The following SUSD5 variants were observed in gnomAD, a reference collection of about 807,000 sequenced individuals.
SUSD5 encodes the protein sushi domain-containing protein 5.
SUSD5 carries 33 observed loss-of-function variants against 29.5 expected under a neutral mutation model. The observed-to-expected ratio is 1.12, with a 90% confidence interval of 0.85 to 1.49. The LOEUF (loss-of-function observed/expected upper bound fraction) is 1.49, where lower values mean the gene tolerates loss of function less well. Among genes scored for constraint, SUSD5 ranks in the 40% most tolerant of loss-of-function variants. SUSD5 has a pLI of 0.00. For synonymous variants in SUSD5, 308 were observed against 325.3 expected (o/e 0.95, Z 0.57); for missense variants, 776 against 800.6 (o/e 0.97, Z 0.37).
intron 2 of SUSD5, among the ~76,000 whole-genome samples, chr3:33,208,548 C>T (rs1411510776): frequency 6.6e-6 from 1 of 152,056 alleles, no homozygotes; most frequent in East Asian, 1.9e-4. Context: ...TTTAAATCTG[C>T]TTTTTATTAG....
chr3:33,218,659 C>A (rs117206167), intron 1 of SUSD5, 27 bp downstream of exon 1: 2 of 1,275,758 alleles, frequency 1.6e-6, no homozygotes, highest in South Asian at 2.5e-5. Context: ...GCTCCACCCC[C>A]CGCCCCGCCG....
intron 4 of SUSD5, among the ~76,000 whole-genome samples, chr3:33,170,472 C>T (rs902187976): frequency 5.3e-5 from 8 of 152,172 alleles, no homozygotes; most frequent in Non-Finnish European, 1.0e-4. Context: ...TTTCAGTGAA[C>T]GGTCAAGACA....
chr3:33,168,285 T>C (rs768985786), intron 4 of SUSD5, among the ~76,000 whole-genome samples: 1 of 152,036 alleles, frequency 6.6e-6, no homozygotes, highest in East Asian at 1.9e-4. Context: ...CCTTTAAAAA[T>C]AGTAATTTTA....
intron 3 of SUSD5, among the ~76,000 whole-genome samples, chr3:33,194,983 T>G (rs2125627843): frequency 6.6e-6 from 1 of 152,208 alleles, no homozygotes; most frequent in South Asian, 2.1e-4. Context: ...TCACCTGAGG[T>G]CACGAGTTCA....
intron 3 of SUSD5, among the ~76,000 whole-genome samples, chr3:33,207,579 C>T (rs566200432): frequency 2.6e-5 from 4 of 152,282 alleles, no homozygotes; most frequent in South Asian, 4.1e-4. Context: ...CAAAGTTACT[C>T]GGCACCTCAC....
At chr3:33,168,708 G>C in intron 4 of SUSD5, 1 of 442,600 alleles carries the variant, frequency 2.3e-6, no homozygotes, top group Non-Finnish European at 3.0e-6. Context: ...GGAGTGCAGT[G>C]GGGTGATCTT....
intron 3 of SUSD5, among the ~76,000 whole-genome samples, chr3:33,193,249 T>C (rs773227034): frequency 1.4e-4 from 22 of 152,114 alleles, no homozygotes; most frequent in Non-Finnish European, 2.9e-4. Context: ...CTTGGCGGTA[T>C]AGAAACAACA....
chr3:33,189,558 A>G (rs1049534052), intron 3 of SUSD5, among the ~76,000 whole-genome samples: 1 of 151,718 alleles, frequency 6.6e-6, no homozygotes, highest in African/African-American at 2.4e-5. Flanking sequence ...TCTCAATTAT[A>G]TAAGAAAGCT....
At chr3:33,192,078 TA>T (rs1024045270) in intron 3 of SUSD5, among the ~76,000 whole-genome samples, 3 of 131,892 alleles carry the variant, frequency 2.3e-5, no homozygotes, top group East Asian at 2.1e-4. Context: ...TTAATGCGCA[TA>T]TTTTTTTTTT....
At position 33,152,787 on chromosome 3, in the gene SUSD5, C is replaced by T. The variant is rs1055987451; in HGVS notation, c.1845G>A (p.Arg615=). The T allele has an allele frequency of 6.2e-7, 1 of 1,613,550 alleles. No individual in the cohort carries two copies. The highest frequency in any genetic ancestry group is 8.5e-7 in the Non-Finnish European group (1 of 1,179,602). ...SSVYKLNVGQ[R]QARHYHQQIE... is the part of the protein sequence containing the mutation. ...TCTGCTGGTGGTAGTGCCGAGCCTG[C>T]CGCTGGCCAACATTCAGCTTGTACA... is the stretch of plus-strand genomic sequence containing the variant. The change falls in exon 5 of 5, where the codon CGG becomes CGA. Residue 615 remains arginine, a synonymous_variant. Transcript: ENST00000309558.
chr3:33,155,538 A>G (rs1575526342), intron 4 of SUSD5, among the ~76,000 whole-genome samples: 1 of 152,356 alleles, frequency 6.6e-6, no homozygotes, highest in Non-Finnish European at 1.5e-5. Flanking sequence ...TCCATGACAC[A>G]GCAATTCCAC....
intron 4 of SUSD5, among the ~76,000 whole-genome samples, chr3:33,159,155 G>A (rs1396538968): frequency 6.6e-6 from 1 of 152,194 alleles, no homozygotes; most frequent in East Asian, 1.9e-4. Flanking sequence ...GCAGTCCTAG[G>A]TGATGGGAAA....
intron 1 of SUSD5, among the ~76,000 whole-genome samples, chr3:33,215,442 A>G (rs1446611544): frequency 6.6e-6 from 1 of 152,206 alleles, no homozygotes; most frequent in African/African-American, 2.4e-5. Flanking sequence ...TTAGACTACA[A>G]CAAAGCTAAA....
intron 4 of SUSD5, among the ~76,000 whole-genome samples, chr3:33,172,517 A>G (rs1382000279): frequency 6.6e-6 from 1 of 152,232 alleles, no homozygotes; most frequent in Non-Finnish European, 1.5e-5. Flanking sequence ...GCCTGCTTCA[A>G]GGCGACATAT....
intron 3 of SUSD5, among the ~76,000 whole-genome samples, chr3:33,193,999 C>T (rs1233841083): frequency 6.6e-6 from 1 of 152,172 alleles, no homozygotes; most frequent in Non-Finnish European, 1.5e-5. Flanking sequence ...TCCTATCCTC[C>T]CCAGTCGCTC....
chr3:33,154,964 A>G (rs1047319766), intron 4 of SUSD5, among the ~76,000 whole-genome samples: 1 of 152,260 alleles, frequency 6.6e-6, no homozygotes, highest in Non-Finnish European at 1.5e-5. Context: ...CAATGTAAGA[A>G]TAGACAAGGC....
intron 1 of SUSD5, 151 bp downstream of exon 1, chr3:33,218,535 G>A: frequency 5.8e-6 from 4 of 694,712 alleles, no homozygotes; most frequent in Non-Finnish European, 8.1e-6. Context: ...GGAGAGGGAT[G>A]CTGGGTCGCA....
At position 33,174,911 on chromosome 3, in the gene SUSD5, G is replaced by A. The variant is rs747267167; in HGVS notation, c.573C>T (p.Tyr191=). 1.1e-5 allele frequency: 18 copies of A among 1,613,842 alleles called. No individual in the cohort carries two copies. The highest frequency in any genetic ancestry group is 1.6e-4 in the Middle Eastern group (1 of 6,084). The change falls in exon 4 of 5, where the codon TAC becomes TAT. Residue 191 remains tyrosine (Y), a synonymous_variant. Coordinates refer to ENST00000309558, the MANE Select transcript of SUSD5 (RefSeq NM_015551.2). ...TLLCNSCGEW[Y]GLVQACGKDE... is the part of the protein sequence containing the mutation. Reference sequence around the variant, plus strand: ...CTTTCCCACAGGCCTGCACCAGGCCGTACCACTCCCCACAGCTGTTACATA... The same window carrying A: ...CTTTCCCACAGGCCTGCACCAGGCCATACCACTCCCCACAGCTGTTACATA...
chr3:33,188,728 G>T (rs1420647222), intron 3 of SUSD5, among the ~76,000 whole-genome samples: 1 of 152,176 alleles, frequency 6.6e-6, no homozygotes, highest in Non-Finnish European at 1.5e-5. Context: ...GGAGTAGGGA[G>T]GGGCAGAAGA....
Sources: allele counts gnomAD v4.1 joint callset (sites outside exome capture counted in the v4.1 genomes callset), GRCh38; gene constraint gnomAD v4.1.1; transcripts MANE v1.5; gene names NCBI Gene and HGNC (gene_info 2026-07-23, HGNC 2026-07-21).